LNP1: variants seen among roughly 807,000 people sequenced by gnomAD.
The protein encoded by LNP1 is leukemia NUP98 fusion partner 1.
LNP1 carries 12 observed loss-of-function variants against 14.5 expected under a neutral mutation model. That is an observed-to-expected ratio of 0.83 (90% confidence interval 0.53 to 1.34). The LOEUF (loss-of-function observed/expected upper bound fraction) is 1.34, where lower values mean the gene tolerates loss of function less well. Ranked by LOEUF, LNP1 falls within the 40% of genes most tolerant of loss-of-function variation. LNP1 has a pLI of 0.00. For synonymous variants in LNP1, 75 were observed against 71.4 expected (o/e 1.05, Z -0.26); for missense variants, 198 against 210.9 (o/e 0.94, Z 0.38).
chr3:100,421,835 G>A (rs186699581), intron 1 of LNP1, among the ~76,000 whole-genome samples: 180 of 152,204 alleles, frequency 1.2e-3, no homozygotes, highest in African/African-American at 3.9e-3. Flanking sequence ...GAATGTTATG[G>A]AGGTTCAAGT....
chr3:100,410,375 A>G (rs1414312470), intron 1 of LNP1, among the ~76,000 whole-genome samples: 1 of 152,160 alleles, frequency 6.6e-6, no homozygotes, highest in Non-Finnish European at 1.5e-5. Context: ...TAAAGAACAG[A>G]CAGTTGGAAA....
At chr3:100,445,672 G>T (rs529716316) in intron 2 of LNP1, among the ~76,000 whole-genome samples, 1 of 152,016 alleles carries the variant, frequency 6.6e-6, no homozygotes, top group African/African-American at 2.4e-5. Flanking sequence ...AAAGTTTTTG[G>T]TTTTTAAAAA....
chr3:100,409,607 T>TG (rs199660524), intron 1 of LNP1, among the ~76,000 whole-genome samples: 1 of 49,764 alleles, frequency 2.0e-5, no homozygotes, highest in Non-Finnish European at 4.5e-5. Context: ...TATATATATA[T>TG]TTTTTTTTTT....
intron 1 of LNP1, among the ~76,000 whole-genome samples, chr3:100,411,362 T>C (rs564179515): frequency 3.3e-5 from 5 of 152,244 alleles, no homozygotes; most frequent in Non-Finnish European, 7.3e-5. Context: ...TGATATTTAA[T>C]GAGACATTGG....
At chr3:100,435,493 T>C (rs1707285443) in intron 2 of LNP1, among the ~76,000 whole-genome samples, 1 of 152,220 alleles carries the variant, frequency 6.6e-6, no homozygotes, top group Non-Finnish European at 1.5e-5. Context: ...ACCTATTAAC[T>C]TATTTATTAA....
At position 100,434,516 on chromosome 3, in the gene LNP1, CT is replaced by C. The variant is rs954147390; in HGVS notation, c.156+4641del. ...TTGAAGTCAGGTAGTGTGATGCCTC[CT>C]TTTTTTTTTCTTCTTTTTTCTTTTT... is the stretch of plus-strand genomic sequence containing the variant. On this transcript the variant is annotated intron_variant, in intron 2 of 3. Transcript: ENST00000383693. Among the ~76,000 whole-genome samples the C allele has an allele frequency of 8.8e-5, 13 of 147,812 alleles. No individual in the cohort carries two copies. In the South Asian group the frequency reaches 1.3e-3, roughly 15 times the overall value.
intron 2 of LNP1, among the ~76,000 whole-genome samples, chr3:100,438,380 T>TGC (rs1559845091): frequency 6.6e-6 from 1 of 152,158 alleles, no homozygotes; most frequent in Non-Finnish European, 1.5e-5. Context: ...ATAGCCCCCA[T>TGC]ACTCCCAGAT....
chr3:100,410,369 G>C (rs1287313248), intron 1 of LNP1, among the ~76,000 whole-genome samples: 3 of 109,252 alleles, frequency 2.7e-5, no homozygotes, highest in Non-Finnish European at 4.9e-5. Flanking sequence ...TACAAATAAA[G>C]AACAGACAGT....
At chr3:100,429,961 A>C in intron 2 of LNP1, 76 bp downstream of exon 2, 2 of 1,454,274 alleles carry the variant, frequency 1.4e-6, no homozygotes, top group Non-Finnish European at 1.9e-6. Context: ...TTTTTGAGGA[A>C]TCTTTGGATA....
intron 1 of LNP1, among the ~76,000 whole-genome samples, chr3:100,409,459 A>G (rs1338202026): frequency 6.6e-6 from 1 of 151,482 alleles, no homozygotes; most frequent in Non-Finnish European, 1.5e-5. Context: ...CCTGGCCAAG[A>G]CAGTGAAACC....
At chr3:100,444,677 A>G (rs1707372255) in intron 2 of LNP1, among the ~76,000 whole-genome samples, 1 of 152,224 alleles carries the variant, frequency 6.6e-6, no homozygotes, top group Non-Finnish European at 1.5e-5. Flanking sequence ...AACCAAAGTA[A>G]TAACTCAAAG....
chr3:100,422,296 GCCTCAGCCT>G (rs2148901730), intron 1 of LNP1, among the ~76,000 whole-genome samples: 1 of 149,130 alleles, frequency 6.7e-6, no homozygotes, highest in East Asian at 2.0e-4. Context: ...CCATTCTCCT[GCCTCAGCCT>G]CCTGAGTAGC....
chr3:100,444,296 T>G (rs542227863), intron 2 of LNP1, among the ~76,000 whole-genome samples: 1 of 152,340 alleles, frequency 6.6e-6, no homozygotes, highest in South Asian at 2.1e-4. Flanking sequence ...AAATTGTTAC[T>G]TATGTGGCAC....
chr3:100,434,500 G>C (rs1707273413), intron 2 of LNP1, among the ~76,000 whole-genome samples: 1 of 151,860 alleles, frequency 6.6e-6, no homozygotes, highest in East Asian at 1.9e-4. Flanking sequence ...TTTGAAGTCA[G>C]GTAGTGTGAT....
At chr3:100,428,481 G>A (rs966154764) in intron 1 of LNP1, among the ~76,000 whole-genome samples, 10 of 150,588 alleles carry the variant, frequency 6.6e-5, no homozygotes, top group African/African-American at 1.2e-4. Context: ...GCAGTGAGCT[G>A]AGATCATGCC....
intron 1 of LNP1, among the ~76,000 whole-genome samples, chr3:100,424,049 C>T (rs528142597): frequency 1.4e-4 from 22 of 152,140 alleles, no homozygotes; most frequent in Admixed American, 1.0e-3. Context: ...AGAACCTTAG[C>T]GTAGTAGAGT....
intron 2 of LNP1, among the ~76,000 whole-genome samples, chr3:100,436,841 C>A (rs943768879): frequency 2.0e-5 from 3 of 152,084 alleles, no homozygotes; most frequent in Non-Finnish European, 4.4e-5. Context: ...AGGGTGGGGT[C>A]CTGGCCTAAT....
At chr3:100,439,501 T>C (rs1176428626) in intron 2 of LNP1, among the ~76,000 whole-genome samples, 1 of 152,126 alleles carries the variant, frequency 6.6e-6, no homozygotes, top group Non-Finnish European at 1.5e-5. Flanking sequence ...GTGGTGCTCA[T>C]CTCCAGGCAG....
In LNP1 at chr3:100,429,829, C is replaced by A; in HGVS notation, c.100C>A (p.Arg34=). ...GAGAGAGGAGGATCAGAGAGGACTC[C>A]GGGAACGCCACCGACTGCAAGCCAC... ...SWREEDQRGL[R]ERHRLQATSH... Residue 34 remains arginine (R), a synonymous_variant, in exon 2 of 4, where the codon CGG becomes AGG. Transcript: ENST00000383693. 6.2e-7 allele frequency: 1 copy of A among 1,613,872 alleles called. No individual in the cohort carries two copies. Among genetic ancestry groups the A allele is most frequent in the Non-Finnish European group, 8.5e-7 (1 of 1,179,924 alleles).
Sources: allele counts gnomAD v4.1 joint callset (sites outside exome capture counted in the v4.1 genomes callset), GRCh38; gene constraint gnomAD v4.1.1; transcripts MANE v1.5; gene names NCBI Gene and HGNC (gene_info 2026-07-23, HGNC 2026-07-21).